The following GSE1 variants were observed in gnomAD, a reference collection of about 807,000 sequenced individuals.
The protein encoded by GSE1 is genetic suppressor element 1.
Under a neutral mutation model 112.6 loss-of-function variants are expected in GSE1, and 32 were observed. The observed-to-expected ratio is 0.28, with a 90% CI of 0.21 to 0.38. The LOEUF (loss-of-function observed/expected upper bound fraction) is 0.38. GSE1 is among the 10% of genes least tolerant of loss of function. The pLI is 1.00. For missense variants in GSE1, 2,348 were observed against 1,699.2 expected, an observed-to-expected ratio of 1.38 and a Z score of -6.71; for synonymous variants, 1,115 against 735.6, an observed-to-expected ratio of 1.52 and a Z score of -8.35.
intron 1 of GSE1, among the ~76,000 whole-genome samples, chr16:85,294,633 C>CTG (rs1385357808): frequency 7.2e-6 from 1 of 138,330 alleles, no homozygotes; most frequent in Non-Finnish European, 1.5e-5. Context: ...CTCTCTCTCT[C>CTG]TCTCTCTCTC....
intron 1 of GSE1, among the ~76,000 whole-genome samples, chr16:85,331,224 C>T (rs946476383): frequency 3.8e-4 from 57 of 150,408 alleles, no homozygotes; most frequent in African/African-American, 1.4e-3. Context: ...ACGATATCGG[C>T]TCACTGCAAC....
chr16:85,285,205 A>C (rs2044983221), intron 1 of GSE1: 1 of 152,238 alleles, frequency 6.6e-6, no homozygotes, highest in South Asian at 2.1e-4. Flanking sequence ...TGAAGCGCCA[A>C]GGGGAACCCA....
At chr16:85,402,724 C>T (rs1447169140) in intron 2 of GSE1, among the ~76,000 whole-genome samples, 1 of 152,128 alleles carries the variant, frequency 6.6e-6, no homozygotes, top group Non-Finnish European at 1.5e-5. Context: ...GAGTTCAAGA[C>T]CAGCCTGGAC....
intron 2 of GSE1, among the ~76,000 whole-genome samples, chr16:85,514,590 T>C (rs1017942142): frequency 1.3e-5 from 2 of 152,136 alleles, no homozygotes; most frequent in African/African-American, 4.8e-5. Context: ...CCAGCCCCAC[T>C]CTTCACCCTG....
intron 2 of GSE1, among the ~76,000 whole-genome samples, chr16:85,645,809 A>G (rs2050807377): frequency 6.6e-6 from 1 of 152,084 alleles, no homozygotes; most frequent in Non-Finnish European, 1.5e-5. Context: ...ACCTGCTTCT[A>G]CCACGCATTC....
intron 1 of GSE1, among the ~76,000 whole-genome samples, chr16:85,182,768 G>A (rs2074616467): frequency 6.6e-6 from 1 of 152,116 alleles, no homozygotes; most frequent in Admixed American, 6.5e-5. Context: ...CTGCGTGGGA[G>A]GGACAGTGGA....
intron 3 of GSE1, 40 bp downstream of exon 3, chr16:85,648,791 G>A (rs766109880): frequency 2.4e-6 from 3 of 1,249,872 alleles, no homozygotes; most frequent in Middle Eastern, 2.4e-4. Context: ...TCCTCTAAGT[G>A]GGGAGGCTGG....
intron 1 of GSE1, among the ~76,000 whole-genome samples, chr16:85,327,056 T>C (rs2151509350): frequency 6.6e-6 from 1 of 152,356 alleles, no homozygotes; most frequent in Middle Eastern, 3.4e-3. Context: ...AGACAGTGCG[T>C]GCACCTACCA....
chr16:85,192,603 C>T (rs1186858538), intron 1 of GSE1, among the ~76,000 whole-genome samples: 2 of 152,162 alleles, frequency 1.3e-5, no homozygotes, highest in Non-Finnish European at 2.9e-5. Flanking sequence ...TGGGCCTGTC[C>T]CCCTCACCCT....
At chr16:85,644,322 C>A (rs569676845) in intron 2 of GSE1, among the ~76,000 whole-genome samples, 1 of 145,298 alleles carries the variant, frequency 6.9e-6, no homozygotes, top group East Asian at 2.0e-4. Flanking sequence ...CCAGCCTGGG[C>A]AGCAGAGTGA....
chr16:85,358,279 T>C (rs1025184193), intron 2 of GSE1, among the ~76,000 whole-genome samples: 3 of 152,218 alleles, frequency 2.0e-5, no homozygotes, highest in Non-Finnish European at 4.4e-5. Flanking sequence ...CTGCTGGGCC[T>C]TGGGGCCTGG....
chr16:85,422,371 G>GTT (rs2048866114), intron 2 of GSE1, among the ~76,000 whole-genome samples: 1 of 149,254 alleles, frequency 6.7e-6, no homozygotes, highest in Non-Finnish European at 1.5e-5. Flanking sequence ...GGGCGGGGCG[G>GTT]GGGGGGGTGC....
intron 1 of GSE1, among the ~76,000 whole-genome samples, chr16:85,564,021 C>T (rs2045635375): frequency 6.6e-6 from 1 of 152,214 alleles, no homozygotes; most frequent in African/African-American, 2.4e-5. Context: ...AGGGCTTGCG[C>T]CAGTGGGTGC....
intron 1 of GSE1, among the ~76,000 whole-genome samples, chr16:85,178,001 C>T (rs2074502722): frequency 6.6e-6 from 1 of 152,198 alleles, no homozygotes; most frequent in Non-Finnish European, 1.5e-5. Context: ...GGGCCAGGCA[C>T]TCCGGGAGCA....
intron 2 of GSE1, among the ~76,000 whole-genome samples, chr16:85,420,785 G>GT (rs1297153168): frequency 1.3e-5 from 2 of 152,184 alleles, no homozygotes; most frequent in African/African-American, 4.8e-5. Context: ...TGGGTGGAGT[G>GT]TAAGGGCCTC....
At chr16:85,190,117 C>T (rs940955399) in intron 1 of GSE1, among the ~76,000 whole-genome samples, 5 of 152,188 alleles carry the variant, frequency 3.3e-5, no homozygotes, top group Admixed American at 2.6e-4. Context: ...ACTTCCCAAG[C>T]CTGATCTTCT....
At chr16:85,423,644 G>A (rs1178522510) in intron 2 of GSE1, among the ~76,000 whole-genome samples, 5 of 152,064 alleles carry the variant, frequency 3.3e-5, no homozygotes, top group Non-Finnish European at 7.4e-5. Context: ...GGTGGGACCT[G>A]GGTGGGTGGG....
chr16:85,282,173 G>A (rs557886950), intron 1 of GSE1, among the ~76,000 whole-genome samples: 8 of 152,106 alleles, frequency 5.3e-5, no homozygotes, highest in African/African-American at 9.6e-5. Context: ...GACTACAGGC[G>A]TGCACCACCA....
At chr16:85,278,603 T>TA (rs2044764219) in intron 1 of GSE1, among the ~76,000 whole-genome samples, 1 of 152,202 alleles carries the variant, frequency 6.6e-6, no homozygotes, top group Non-Finnish European at 1.5e-5. Context: ...TAAGCACAGT[T>TA]AAAAATCCCA....
Sources: allele counts gnomAD v4.1 joint callset (sites outside exome capture counted in the v4.1 genomes callset), GRCh38; gene constraint gnomAD v4.1.1; transcripts MANE v1.5; gene names NCBI Gene and HGNC (gene_info 2026-07-23, HGNC 2026-07-21).